Variants in BPI observed in about 807,000 individuals in gnomAD.
The protein encoded by BPI is bactericidal permeability-increasing protein.
A neutral mutation model predicts 57.6 loss-of-function variants in BPI; 48 were observed. The ratio of observed to expected loss-of-function variants is 0.83; its 90% CI spans 0.66 to 1.06. The LOEUF (loss-of-function observed/expected upper bound fraction) is 1.06. Among genes scored for constraint, BPI ranks in the 50% least tolerant of loss-of-function variants. BPI has a pLI of 0.00. For synonymous variants in BPI, 237 were observed against 238.2 expected, an observed-to-expected ratio of 0.99 and a Z score of 0.05; for missense variants, 651 against 609.7, an observed-to-expected ratio of 1.07 and a Z score of -0.71.
Position 38,327,573 on chromosome 20 carries a change from T to A in BPI, c.1162-15T>A. 6.2e-7 allele frequency: 1 copy of A among 1,612,458 alleles called. No homozygotes were observed. ...CTGGGTCAGGGCACTTCACCCTGGG[T>A]TGTTGTTTTGGCAGCACACAACTGG... On this transcript the variant is annotated splice_polypyrimidine_tract_variant and intron_variant, in intron 10 of 14. Transcript: ENST00000642449.
intron 5 of BPI, 66 bp downstream of exon 5, chr20:38,312,003 C>A: frequency 6.7e-7 from 1 of 1,494,912 alleles, no homozygotes; most frequent in Non-Finnish European, 9.3e-7. Context: ...ACACACCTCC[C>A]CCTTCTACGG....
At chr20:38,325,616 CA>C in intron 9 of BPI, among the ~76,000 whole-genome samples, 1 of 152,276 alleles carries the variant, frequency 6.6e-6, no homozygotes. Flanking sequence ...CAAATGCAGC[CA>C]CACTGGGAAT....
At chr20:38,314,242 T>A (rs1195175179) in intron 5 of BPI, among the ~76,000 whole-genome samples, 1 of 142,836 alleles carries the variant, frequency 7.0e-6, no homozygotes, top group African/African-American at 2.7e-5. Context: ...GTGGGGAAGA[T>A]GATGATGATG....
chr20:38,310,756 G>T, intron 4 of BPI, 104 bp downstream of exon 4: 5 of 1,460,122 alleles, frequency 3.4e-6, no homozygotes, highest in Non-Finnish European at 4.6e-6. Flanking sequence ...CTGCATGCCA[G>T]GCCTTGCTCA....
At chr20:38,318,657 T>C (rs970071100) in intron 6 of BPI, among the ~76,000 whole-genome samples, 181 bp downstream of exon 6, 3 of 151,840 alleles carry the variant, frequency 2.0e-5, no homozygotes, top group African/African-American at 7.3e-5. Context: ...TTGTGCTAGG[T>C]CCAGAAGTGA....
In BPI at chr20:38,318,473, C is replaced by T; in HGVS notation, c.661C>T (p.Pro221Ser). 1 of 1,612,792 alleles carries T rather than the reference C, an allele frequency of 6.2e-7. No individual in the cohort carries two copies. Among genetic ancestry groups the T allele is most frequent in the Non-Finnish European group, 8.5e-7 (1 of 1,178,818 alleles). The change falls in exon 6 of 15, where the codon CCA becomes TCA. Residue 221 changes from proline to serine, a missense_variant. Coordinates refer to ENST00000642449, the MANE Select transcript of BPI (RefSeq NM_001725.3). ...SELQPYFQTLPVMTKIDSVAG... is the reference protein window; with the variant it reads ...SELQPYFQTLSVMTKIDSVAG... ...GCTGCAACCTTATTTCCAGACTCTG[C>T]CAGGTGAGGGCTGGATGAAGATCAA...
At chr20:38,334,595 G>C in intron 13 of BPI, 102 bp downstream of exon 13, 1 of 1,185,688 alleles carries the variant, frequency 8.4e-7, no homozygotes. Context: ...ATGAGGGCTG[G>C]GCAGTGGTGA....
In BPI at chr20:38,331,066, G is replaced by A; in HGVS notation, c.1248G>A (p.Lys416=). ...LKLDRLLLEL[K]HSNIGPFPVE... ...CTCACAGGCTGCTCCTGGAACTGAA[G>A]CACTCAAATATTGGCCCCTTCCCGG... The change falls in exon 12 of 15, where the codon AAG becomes AAA. Residue 416 remains lysine (K), a synonymous_variant. Coordinates refer to ENST00000642449, the MANE Select transcript of BPI (RefSeq NM_001725.3). The A allele has an allele frequency of 1.2e-6, 2 of 1,614,124 alleles. No individual in the cohort carries two copies. Among genetic ancestry groups the A allele is most frequent in the Non-Finnish European group, 1.7e-6 (2 of 1,180,014 alleles).
At chr20:38,326,943 T>C (rs2076716521) in intron 10 of BPI, among the ~76,000 whole-genome samples, 1 of 152,266 alleles carries the variant, frequency 6.6e-6, no homozygotes, top group African/African-American at 2.4e-5. Context: ...GTCCATCATT[T>C]ATTCATTCAT....
In BPI at chr20:38,313,541, T is replaced by A. The variant is rs193212279; in HGVS notation, c.600+1604T>A. Among the ~76,000 whole-genome samples, 16 of 152,274 alleles carry A rather than the reference T, an allele frequency of 1.1e-4. 1 individual carries two copies. The East Asian group carries it at 3.1e-3, about 29-fold the overall frequency. On this transcript the variant is annotated intron_variant, in intron 5 of 14. Transcript: ENST00000642449. ...AGCTGTCTGTATAATCAAGTAACAGTCTGAGAGGAGTGTTGAGATATATTT... is the reference window on the plus strand; with the variant it reads ...AGCTGTCTGTATAATCAAGTAACAGACTGAGAGGAGTGTTGAGATATATTT...
At chr20:38,305,176 G>A (rs956242838) in intron 1 of BPI, among the ~76,000 whole-genome samples, 2 of 151,982 alleles carry the variant, frequency 1.3e-5, no homozygotes, top group African/African-American at 4.8e-5. Flanking sequence ...ACAGGACTCA[G>A]GGGACCTGGT....
In BPI at chr20:38,333,559, C is replaced by A. The variant is rs1457863077; in HGVS notation, c.1273-871C>A. On this transcript the variant is annotated intron_variant, in intron 12 of 14. Transcript: ENST00000642449. ...TAATTTGGAGTATATCCTTCCTGAC[C>A]TTTTGCTATGCCTATTTAATTAAAA... 3.9e-5 allele frequency among the ~76,000 whole-genome samples: 6 copies of A among 152,010 alleles called. No individual in the cohort carries two copies. The East Asian group carries it at 9.7e-4, about 24-fold the overall frequency.
intron 3 of BPI, 80 bp from the exon 4 acceptor site, chr20:38,310,411 C>T (rs753868794): frequency 1.9e-4 from 296 of 1,527,120 alleles, no homozygotes; most frequent in Non-Finnish European, 2.4e-4. Context: ...TAACAAAACC[C>T]GCCTTCCAGC....
At chr20:38,335,369 G>A (rs2076762347) in intron 13 of BPI, 3 of 580,762 alleles carry the variant, frequency 5.2e-6, no homozygotes, top group Admixed American at 3.0e-5. Flanking sequence ...CCATCATGGG[G>A]ATGGAGTCCA....
At chr20:38,328,278 C>T (rs988831248) in intron 11 of BPI, among the ~76,000 whole-genome samples, 3 of 152,168 alleles carry the variant, frequency 2.0e-5, no homozygotes, top group East Asian at 1.9e-4. Flanking sequence ...TAAGGCCAGG[C>T]GCGGTGGCTC....
chr20:38,309,722 A>T (rs1003554633), intron 3 of BPI, among the ~76,000 whole-genome samples: 1 of 152,222 alleles, frequency 6.6e-6, no homozygotes, highest in South Asian at 2.1e-4. Context: ...AATAGGGGCA[A>T]ATAACCCAAA....
At chr20:38,327,785 A>G (rs1215991453) in intron 11 of BPI, 130 bp downstream of exon 11, 1 of 1,093,030 alleles carries the variant, frequency 9.1e-7, no homozygotes, top group Non-Finnish European at 1.3e-6. Context: ...TTAAAACCTC[A>G]AAGAGTGTGC....
rs1030382660 is a variant in BPI, at chr20:38,330,942, GA to G, written c.1230-102del. The G allele has an allele frequency of 4.3e-5, 58 of 1,362,726 alleles. No individual in the cohort carries two copies. The African/African-American group carries it at 6.1e-4, about 14-fold the overall frequency. 84.4% of individuals were successfully genotyped at this position (1,362,726 alleles called of 1,614,324 possible). A position where few individuals can be genotyped will look rare whatever the true frequency, so the allele number is the denominator to read the frequency against. ...TGGAAGGGGAGTGGATACTGGGTGGGAAAACCAGACAGTATCCACCAGAGTG... is the reference window on the plus strand; with the variant it reads ...TGGAAGGGGAGTGGATACTGGGTGGGAAACCAGACAGTATCCACCAGAGTG... On this transcript the variant is annotated intron_variant, in intron 11 of 14. Coordinates refer to ENST00000642449, the MANE Select transcript of BPI (RefSeq NM_001725.3).
rs113825457 is a variant in BPI, at chr20:38,331,861, G to A, written c.1272+771G>A. 2.1e-3 allele frequency among the ~76,000 whole-genome samples: 282 copies of A among 133,072 alleles called. 1 individual carries two copies. Among genetic ancestry groups the A allele is most frequent in the African/African-American group, 6.9e-3 (267 of 38,644 alleles). 87.3% of individuals were successfully genotyped at this position (133,072 alleles called of 152,430 possible). Reference sequence around the variant, plus strand: ...CTTGTCTCAAAAAAAAAAAAAAAAAGAGAGAGAAGATCGTTTCAGTCACAA... The same window carrying A: ...CTTGTCTCAAAAAAAAAAAAAAAAAAAGAGAGAAGATCGTTTCAGTCACAA... On this transcript the variant is annotated intron_variant, in intron 12 of 14. Coordinates refer to ENST00000642449, the MANE Select transcript of BPI (RefSeq NM_001725.3).
Sources: allele counts gnomAD v4.1 joint callset (sites outside exome capture counted in the v4.1 genomes callset), GRCh38; gene constraint gnomAD v4.1.1; transcripts MANE v1.5; gene names NCBI Gene and HGNC (gene_info 2026-07-23, HGNC 2026-07-21).